DNAH9: variants seen among roughly 807,000 people sequenced by gnomAD.
DNAH9 encodes dynein axonemal heavy chain 9.
Under a neutral mutation model 471.6 loss-of-function variants are expected in DNAH9, and 345 were observed. The ratio of observed to expected loss-of-function variants is 0.73; its 90% CI spans 0.67 to 0.80. DNAH9 has a LOEUF of 0.80. Ranked by LOEUF, DNAH9 falls within the 30% of genes least tolerant of loss-of-function variation. DNAH9 has a pLI of 0.00. For missense variants in DNAH9, 5,407 were observed against 5,609.2 expected (o/e 0.96, Z 1.15); for synonymous variants, 2,093 against 2,123.6 (o/e 0.99, Z 0.40).
intron 38 of DNAH9, among the ~76,000 whole-genome samples, chr17:11,777,632 G>T (rs1427903191): frequency 1.3e-5 from 2 of 152,200 alleles, no homozygotes; most frequent in African/African-American, 4.8e-5. Context: ...ATATTTGAGT[G>T]CTTAATTACA....
intron 48 of DNAH9, among the ~76,000 whole-genome samples, chr17:11,829,964 T>C (rs184698153): frequency 6.6e-6 from 1 of 152,374 alleles, no homozygotes; most frequent in East Asian, 1.9e-4. Context: ...CTTTGGACAG[T>C]AGTCAGTTCA....
chr17:11,869,522 T>C (rs1032374622), intron 51 of DNAH9, among the ~76,000 whole-genome samples: 1 of 151,906 alleles, frequency 6.6e-6, no homozygotes. Context: ...CACACTTATA[T>C]TCATGTGTAT....
intron 52 of DNAH9, 41 bp downstream of exon 52, chr17:11,871,827 G>C: frequency 6.3e-7 from 1 of 1,595,844 alleles, no homozygotes; most frequent in Non-Finnish European, 8.6e-7. Flanking sequence ...ATCAGCCTCT[G>C]GGCACCAATG....
chr17:11,709,575 A>G (rs2074795936), intron 26 of DNAH9, among the ~76,000 whole-genome samples: 1 of 152,124 alleles, frequency 6.6e-6, no homozygotes, highest in Non-Finnish European at 1.5e-5. Context: ...AGTACATCCA[A>G]ATGATTATGC....
At chr17:11,763,266 C>T (rs1302727198) in intron 35 of DNAH9, among the ~76,000 whole-genome samples, 174 bp from the exon 36 acceptor site, 2 of 151,984 alleles carry the variant, frequency 1.3e-5, no homozygotes, top group African/African-American at 2.4e-5. Flanking sequence ...AGGAAGCTGG[C>T]GCGAGAACAG....
intron 13 of DNAH9, among the ~76,000 whole-genome samples, chr17:11,652,464 T>C (rs369725150): frequency 5.7e-4 from 86 of 151,880 alleles, no homozygotes; most frequent in Middle Eastern, 6.8e-3. Flanking sequence ...TTTTTGTATT[T>C]TTAGTAGAGA....
intron 27 of DNAH9, 21 bp downstream of exon 27, chr17:11,719,511 C>CT: frequency 1.8e-6 from 2 of 1,082,616 alleles, no homozygotes; most frequent in African/African-American, 3.0e-5. Flanking sequence ...ACCCGGCTTC[C>CT]TGGGGGTGGG....
At chr17:11,778,219 G>A (rs1412418811) in intron 38 of DNAH9, among the ~76,000 whole-genome samples, 9 of 150,930 alleles carry the variant, frequency 6.0e-5, no homozygotes, top group African/African-American at 1.9e-4. Context: ...ACAACTACTC[G>A]GGAGGCTAAG....
intron 67 of DNAH9, among the ~76,000 whole-genome samples, chr17:11,956,265 T>C (rs1975634065): frequency 1.3e-5 from 2 of 152,144 alleles, no homozygotes; most frequent in Non-Finnish European, 2.9e-5. Flanking sequence ...GAGTATTATA[T>C]AATAAGTCAA....
intron 1 of DNAH9, among the ~76,000 whole-genome samples, chr17:11,606,939 A>G (rs2072521734): frequency 6.6e-6 from 1 of 152,198 alleles, no homozygotes; most frequent in South Asian, 2.1e-4. Context: ...GAAAAGTCAC[A>G]TAAGACACTT....
At chr17:11,654,546 G>T (rs2073596524) in intron 14 of DNAH9, among the ~76,000 whole-genome samples, 1 of 151,560 alleles carries the variant, frequency 6.6e-6, no homozygotes, top group African/African-American at 2.4e-5. Context: ...CTAGAAAAAA[G>T]TACATATTGT....
At chr17:11,613,449 A>G (rs2072678200) in intron 4 of DNAH9, among the ~76,000 whole-genome samples, 1 of 152,114 alleles carries the variant, frequency 6.6e-6, no homozygotes, top group Non-Finnish European at 1.5e-5. Context: ...TTGAAACCTC[A>G]TCTCTACTAA....
intron 49 of DNAH9, among the ~76,000 whole-genome samples, chr17:11,848,709 T>TA (rs1971307243): frequency 1.3e-5 from 2 of 152,200 alleles, no homozygotes; most frequent in Admixed American, 1.3e-4. Context: ...AGCAAAGCAT[T>TA]ATCTGTGAGG....
At chr17:11,636,428 GA>G (rs529433928) in intron 8 of DNAH9, among the ~76,000 whole-genome samples, 46 of 152,248 alleles carry the variant, frequency 3.0e-4, no homozygotes, top group Middle Eastern at 6.8e-3. Context: ...CGGCAGACAG[GA>G]ATTTTCTGTT....
chr17:11,651,379 A>C, intron 13 of DNAH9, 55 bp downstream of exon 13: 2 of 1,544,594 alleles, frequency 1.3e-6, no homozygotes, highest in Non-Finnish European at 1.7e-6. Context: ...AGGATCTAAT[A>C]AAGTTCATAG....
At chr17:11,866,725 C>T (rs1325225634) in intron 50 of DNAH9, among the ~76,000 whole-genome samples, 8 of 152,346 alleles carry the variant, frequency 5.3e-5, no homozygotes, top group South Asian at 2.1e-4. Context: ...TGGGCAATGG[C>T]GGGCGCCCCT....
intron 43 of DNAH9, among the ~76,000 whole-genome samples, chr17:11,798,447 AAAAAAAAAAAAGAGAG>A (rs1350261520): frequency 8.0e-5 from 12 of 149,360 alleles, no homozygotes; most frequent in East Asian, 2.0e-4. Context: ...AAAAAAAAAA[AAAAAAAAAAAAGAGAG>A]AGAGAGAGAG....
At chr17:11,700,579 A>G (rs1454144253) in intron 23 of DNAH9, among the ~76,000 whole-genome samples, 1 of 152,156 alleles carries the variant, frequency 6.6e-6, no homozygotes, top group African/African-American at 2.4e-5. Flanking sequence ...GCCAAATAAC[A>G]GCTGGGGTAA....
In DNAH9 at chr17:11,870,620, T is replaced by C. The variant is rs184232773; in HGVS notation, c.10054-978T>C. On this transcript the variant is annotated intron_variant, in intron 51 of 68. Transcript: ENST00000262442. ...ATCCGTTTAGCTGAACAGTTCAGTT[T>C]AGAGATAGCAACTCTTGCCAATGTG... 1.5e-3 allele frequency among the ~76,000 whole-genome samples: 222 copies of C among 152,322 alleles called. 1 individual carries two copies. Among genetic ancestry groups the C allele is most frequent in the Middle Eastern group, 6.8e-3 (2 of 294 alleles).
Sources: allele counts gnomAD v4.1 joint callset (sites outside exome capture counted in the v4.1 genomes callset), GRCh38; gene constraint gnomAD v4.1.1; transcripts MANE v1.5; gene names NCBI Gene and HGNC (gene_info 2026-07-23, HGNC 2026-07-21).